FBRSL1: variants seen among roughly 807,000 people sequenced by gnomAD.
FBRSL1 encodes the protein fibrosin-1-like protein.
In FBRSL1, 51 loss-of-function variants were observed where a neutral mutation model predicts 89.6. That is an observed-to-expected ratio of 0.57 (90% CI 0.45 to 0.72). The LOEUF is 0.72. Ranked by LOEUF, FBRSL1 falls within the 30% of genes least tolerant of loss-of-function variation. FBRSL1 has a pLI of 0.00. For synonymous variants in FBRSL1, 779 were observed against 681.1 expected (o/e 1.14, Z -2.24); for missense variants, 1,618 against 1,451.8 (o/e 1.11, Z -1.86).
At chr12:132,553,789 C>G (rs1033697884) in intron 5 of FBRSL1, 1 of 152,228 alleles carries the variant, frequency 6.6e-6, no homozygotes, top group African/African-American at 2.4e-5. Context: ...GCTGCTGTAA[C>G]AAGTCGCCGT....
At chr12:132,573,817 G>A (rs753287324) in intron 11 of FBRSL1, among the ~76,000 whole-genome samples, 1 of 152,212 alleles carries the variant, frequency 6.6e-6, no homozygotes, top group Non-Finnish European at 1.5e-5. Flanking sequence ...CCCCCTCTGG[G>A]TGGGGCTGTC....
chr12:132,519,833 G>A (rs953133036), intron 2 of FBRSL1, among the ~76,000 whole-genome samples: 5 of 151,640 alleles, frequency 3.3e-5, no homozygotes, highest in Non-Finnish European at 5.9e-5. Context: ...GCTTGAACCC[G>A]GGAGGCAGAG....
intron 5 of FBRSL1, among the ~76,000 whole-genome samples, chr12:132,561,923 G>A (rs1307880949): frequency 6.6e-6 from 1 of 152,176 alleles, no homozygotes; most frequent in Non-Finnish European, 1.5e-5. Flanking sequence ...TGGGAGCCTG[G>A]CCCAAGGGAG....
intron 5 of FBRSL1, among the ~76,000 whole-genome samples, chr12:132,550,252 C>CGGAGGACGG (rs1555278914): frequency 2.4e-4 from 36 of 152,204 alleles, no homozygotes; most frequent in African/African-American, 8.2e-4. Flanking sequence ...AGAGGGGCTG[C>CGGAGGACGG]CAGCCTTTCT....
chr12:132,528,057 C>A, intron 4 of FBRSL1, 69 bp downstream of exon 4: 2 of 1,394,800 alleles, frequency 1.4e-6, no homozygotes, highest in Non-Finnish European at 2.0e-6. Flanking sequence ...CCCACCTCAC[C>A]TGTCCGAGGC....
chr12:132,572,459 T>G (rs2040096632), intron 10 of FBRSL1, 68 bp from the exon 11 acceptor site: 1 of 1,499,094 alleles, frequency 6.7e-7, no homozygotes, highest in Non-Finnish European at 9.1e-7. Context: ...GGTGCCACCT[T>G]CTGGTTACAG....
intron 4 of FBRSL1, among the ~76,000 whole-genome samples, chr12:132,536,693 G>A (rs1473791478): frequency 2.0e-5 from 3 of 151,020 alleles, no homozygotes; most frequent in Non-Finnish European, 4.4e-5. Context: ...GAGTGCACGT[G>A]TACATGATGT....
rs111641004 is a variant in FBRSL1, at chr12:132,564,909, G to A, written c.646-2572G>A. Among the ~76,000 whole-genome samples the A allele has an allele frequency of 1.7e-3, 247 of 148,270 alleles. 2 individuals carry two copies. The highest frequency in any genetic ancestry group is 2.6e-3 in the Non-Finnish European group (180 of 67,926). ...CTCCCGCAGTGCTGGGATTTCAGGC[G>A]TGAGCCGCGGCCGGCCGCCCTCCTA... is the stretch of plus-strand genomic sequence containing the variant. On this transcript the variant is annotated intron_variant, in intron 5 of 18. Transcript: ENST00000680143.
intron 5 of FBRSL1, among the ~76,000 whole-genome samples, chr12:132,563,718 C>T (rs2039338906): frequency 7.2e-6 from 1 of 138,068 alleles, no homozygotes; most frequent in Non-Finnish European, 1.6e-5. Flanking sequence ...ATACCCACCC[C>T]CGTCGCCCCT....
Position 132,508,238 on chromosome 12 carries a change from C to A in FBRSL1, c.377C>A (p.Pro126His), listed in dbSNP as rs544044707. 2.6e-6 allele frequency: 4 copies of A among 1,551,016 alleles called. No homozygotes were observed. The East Asian group carries it at 9.8e-5, about 38-fold the overall frequency. ...IKKPRESETC[P>H]PAEPSENRRP... Reference sequence around the variant, plus strand: ...AAGCCCCGGGAGTCGGAAACCTGCCCCCCTGCGGAGCCCAGTGAGAACAGG... The same window carrying A: ...AAGCCCCGGGAGTCGGAAACCTGCCACCCTGCGGAGCCCAGTGAGAACAGG... The change falls in exon 2 of 19, where the codon CCC (proline) becomes CAC (histidine). Residue 126 changes from proline (P) to histidine (H), a missense_variant. Coordinates refer to ENST00000680143, the MANE Select transcript of FBRSL1 (RefSeq NM_001367871.1).
In FBRSL1 at chr12:132,573,359, A is replaced by G. The variant is rs1381133340; in HGVS notation, c.1531-731A>G. Among the ~76,000 whole-genome samples the G allele has an allele frequency of 2.0e-5, 3 of 152,136 alleles. No individual in the cohort carries two copies. In the East Asian group the frequency reaches 5.8e-4, roughly 29 times the overall value. On this transcript the variant is annotated intron_variant, in intron 11 of 18. Coordinates refer to ENST00000680143, the MANE Select transcript of FBRSL1 (RefSeq NM_001367871.1). The stretch of plus-strand genomic sequence containing the variant: ...TGGGCTCCCCTGGGGCACCGCCCAC[A>G]TCGTGGACGGGCAGATAGTGCTTCC...
Position 132,533,873 on chromosome 12 carries a change from A to G in FBRSL1, c.615+5885A>G, listed in dbSNP as rs568120614. On this transcript the variant is annotated intron_variant, in intron 4 of 18. Coordinates refer to ENST00000680143, the MANE Select transcript of FBRSL1 (RefSeq NM_001367871.1). ...GAGCAGCAGCTGCCAGGTCGGAAGG[A>G]AGGTGGCCGGGGTCAGGGCAGCATC... is the stretch of plus-strand genomic sequence containing the variant. 2.0e-5 allele frequency among the ~76,000 whole-genome samples: 3 copies of G among 152,290 alleles called. No individual in the cohort carries two copies. The East Asian group carries it at 5.8e-4, about 29-fold the overall frequency.
intron 1 of FBRSL1, among the ~76,000 whole-genome samples, chr12:132,493,376 G>A (rs1204593932): frequency 1.3e-5 from 2 of 152,238 alleles, no homozygotes; most frequent in Non-Finnish European, 2.9e-5. Context: ...GCTTGTGCCC[G>A]CGGGACACTG....
intron 8 of FBRSL1, 41 bp from the exon 9 acceptor site, chr12:132,571,027 G>A: frequency 7.8e-7 from 1 of 1,278,352 alleles, no homozygotes. Context: ...CTGGACCCTG[G>A]CTCCCGGGGA....
chr12:132,528,820 C>T (rs1458301373), intron 4 of FBRSL1, among the ~76,000 whole-genome samples: 7 of 152,030 alleles, frequency 4.6e-5, no homozygotes, highest in African/African-American at 1.7e-4. Context: ...CGTGGGTACA[C>T]GGGTGTGTTT....
chr12:132,575,561 G>A (rs776110045), intron 14 of FBRSL1, among the ~76,000 whole-genome samples: 3 of 152,256 alleles, frequency 2.0e-5, no homozygotes, highest in Non-Finnish European at 4.4e-5. Context: ...GCATGTCTGG[G>A]TGGAACTTCT....
chr12:132,514,997 G>A (rs1390170888), intron 2 of FBRSL1, among the ~76,000 whole-genome samples: 1 of 152,152 alleles, frequency 6.6e-6, no homozygotes, highest in East Asian at 1.9e-4. Context: ...TAGACTGGCA[G>A]CTTCTGCGCC....
intron 2 of FBRSL1, among the ~76,000 whole-genome samples, chr12:132,516,261 C>T (rs112863182): frequency 2.3e-4 from 35 of 149,846 alleles, no homozygotes; most frequent in African/African-American, 6.6e-4. Context: ...CACAATGTTG[C>T]GCAAGCTCTG....
intron 12 of FBRSL1, 62 bp from the exon 13 acceptor site, chr12:132,574,257 G>C: frequency 6.8e-7 from 1 of 1,465,960 alleles, no homozygotes; most frequent in Non-Finnish European, 9.0e-7. Context: ...TGTGTCCCCT[G>C]CACCCCCAGG....
Sources: gnomAD v4.1 joint callset for allele counts (sites outside exome capture counted in the v4.1 genomes callset) on GRCh38, gnomAD v4.1.1 for gene constraint, MANE v1.5 for transcripts, NCBI Gene and HGNC (gene_info 2026-07-23, HGNC 2026-07-21) for gene names.